The following SCARB2 variants were observed in gnomAD, a reference collection of about 807,000 sequenced individuals.
The protein encoded by SCARB2 is scavenger receptor class B member 2, also known as lysosome membrane protein 2.
A neutral mutation model predicts 58.6 loss-of-function variants in SCARB2; 29 were observed. The observed-to-expected ratio is 0.49, with a 90% CI of 0.37 to 0.67. The LOEUF is 0.67. Among genes scored for constraint, SCARB2 ranks in the 30% least tolerant of loss-of-function variants. The pLI, the probability that SCARB2 is intolerant of heterozygous loss-of-function variation, is 0.00. For missense variants in SCARB2, 488 were observed against 578.5 expected, an observed-to-expected ratio of 0.84 and a Z score of 1.60; for synonymous variants, 195 against 210.1, an observed-to-expected ratio of 0.93 and a Z score of 0.62.
chr4:76,169,465 A>C (rs568871553), intron 8 of SCARB2, among the ~76,000 whole-genome samples: 1 of 152,302 alleles, frequency 6.6e-6, no homozygotes, highest in East Asian at 1.9e-4. Context: ...TTCATATTTC[A>C]ACCAAAATAT....
chr4:76,208,064 C>T (rs1456796588), intron 1 of SCARB2, among the ~76,000 whole-genome samples: 1 of 152,164 alleles, frequency 6.6e-6, no homozygotes, highest in Non-Finnish European at 1.5e-5. Flanking sequence ...CAACCTGCCT[C>T]CAGTAATGGA....
In SCARB2 at chr4:76,183,518, G is replaced by A. The variant is rs542870922; in HGVS notation, c.276-2417C>T. Reference sequence around the variant, plus strand: ...AAGTATACAGATGAAGAGATGCACTGGGCAAGGTGTAGGGGAAGGAGCTCA... The same window carrying A: ...AAGTATACAGATGAAGAGATGCACTAGGCAAGGTGTAGGGGAAGGAGCTCA... On this transcript the variant is annotated intron_variant, in intron 2 of 11. Transcript: ENST00000264896. Among the ~76,000 whole-genome samples the A allele has an allele frequency of 4.5e-4, 69 of 152,332 alleles. No homozygotes were observed. The South Asian group carries it at 0.014, about 31-fold the overall frequency.
At chr4:76,188,678 T>C (rs569639794) in intron 2 of SCARB2, among the ~76,000 whole-genome samples, 1 of 152,256 alleles carries the variant, frequency 6.6e-6, no homozygotes, top group Non-Finnish European at 1.5e-5. Context: ...GCTTCTGGAA[T>C]GTTCTGTCTT....
upstream of SCARB2, among the ~76,000 whole-genome samples, chr4:76,216,650 A>G (rs948302471): frequency 5.9e-5 from 9 of 152,302 alleles, no homozygotes; most frequent in Admixed American, 3.3e-4. Context: ...TTACAGCTCA[A>G]GTTGCCCTCA....
chr4:76,162,191 C>T, intron 11 of SCARB2: 1 of 176,760 alleles, frequency 5.7e-6, no homozygotes, highest in South Asian at 1.4e-4. Context: ...TCAATGACTG[C>T]ATAAAGTCAC....
At chr4:76,195,188 T>C (rs1029218944) in intron 2 of SCARB2, 1 of 154,976 alleles carries the variant, frequency 6.5e-6, no homozygotes, top group African/African-American at 2.4e-5. Context: ...CTGGGCAATA[T>C]AGCAAGACCT....
chr4:76,201,057 C>G (rs59876319), intron 1 of SCARB2, among the ~76,000 whole-genome samples: 1 of 152,182 alleles, frequency 6.6e-6, no homozygotes, highest in Non-Finnish European at 1.5e-5. Context: ...GATGCAACTG[C>G]GTCACCTGTC....
At chr4:76,175,952 T>G (rs745530761) in intron 5 of SCARB2, 42 bp from the exon 6 acceptor site, 1 of 1,610,624 alleles carries the variant, frequency 6.2e-7, no homozygotes, top group African/African-American at 1.3e-5. Flanking sequence ...ATGATCACAT[T>G]TGAGTTTAGA....
At position 76,168,417 on chromosome 4, in the gene SCARB2, T is replaced by C; in HGVS notation, c.1173A>G (p.Lys391=). The change falls in exon 9 of 12, where the codon AAA becomes AAG. Residue 391 remains lysine (K), a synonymous_variant. Transcript: ENST00000264896. ...GCAAAACTTACACAAAGTCATCTAA[T>C]TTTTTGACATAAATGTTGATTTGGA... ...KRFQINIYVK[K]LDDFVETGDI... The C allele has an allele frequency of 6.2e-7, 1 of 1,613,770 alleles. No homozygotes were observed. The highest frequency in any genetic ancestry group is 1.3e-5 in the African/African-American group (1 of 75,054).
intron 2 of SCARB2, among the ~76,000 whole-genome samples, chr4:76,191,454 C>T: frequency 6.6e-6 from 1 of 152,074 alleles, no homozygotes; most frequent in East Asian, 1.9e-4. Flanking sequence ...TAGTGCTGTC[C>T]TCGAGATAGT....
chr4:76,213,239 G>A, intron 1 of SCARB2, 188 bp downstream of exon 1: 1 of 650,266 alleles, frequency 1.5e-6, no homozygotes, highest in Non-Finnish European at 2.8e-6. Context: ...AGGGAACAGA[G>A]TCGGCTCCAT....
chr4:76,206,544 G>C (rs1022743475), intron 1 of SCARB2, among the ~76,000 whole-genome samples: 2 of 151,944 alleles, frequency 1.3e-5, no homozygotes, highest in African/African-American at 4.8e-5. Context: ...ACAACAAAAT[G>C]CAAACAAAAT....
At chr4:76,175,326 C>T (rs987556964) in intron 6 of SCARB2, 3 of 185,854 alleles carry the variant, frequency 1.6e-5, no homozygotes, top group African/African-American at 7.2e-5. Flanking sequence ...TATTTGGCTT[C>T]CATGTAGAGA....
chr4:76,169,762 A>G, intron 8 of SCARB2, 105 bp downstream of exon 8: 1 of 947,376 alleles, frequency 1.1e-6, no homozygotes. Flanking sequence ...GAATATGTAT[A>G]TGAAAGTAAG....
intron 7 of SCARB2, among the ~76,000 whole-genome samples, chr4:76,171,986 G>A (rs531176698): frequency 2.0e-5 from 3 of 150,652 alleles, no homozygotes; most frequent in Middle Eastern, 3.5e-3. Context: ...GCACACTTGC[G>A]CACGTGTGTG....
At chr4:76,189,499 T>TGTTGTC (rs59217890) in intron 2 of SCARB2, among the ~76,000 whole-genome samples, 1 of 151,818 alleles carries the variant, frequency 6.6e-6, no homozygotes, top group Non-Finnish European at 1.5e-5. Context: ...TTGTTGTTGT[T>TGTTGTC]TGAGACAAAG....
At chr4:76,214,215 A>ACCGGTGGGGG (rs1000966705), upstream of SCARB2, 2 of 454,400 alleles carry the variant, frequency 4.4e-6, no homozygotes, top group Middle Eastern at 6.4e-4. Context: ...TAGCGGGGAC[A>ACCGGTGGGGG]CCGTTACCGC....
rs1417364659 is a variant in SCARB2 at position 76,160,557 on chromosome 4, T to C, written c.*1156A>G. On this transcript the variant is annotated 3_prime_UTR_variant, in exon 12 of 12. Transcript: ENST00000264896. ...AACATCCATCATTCTGTCAGCAAAA[T>C]GATTGTCACAGGAAGTATAGGGCAC... 1 of 152,164 alleles carries C rather than the reference T, an allele frequency of 6.6e-6. No homozygotes were observed. Among genetic ancestry groups the C allele is most frequent in the Non-Finnish European group, 1.5e-5 (1 of 68,024 alleles). The allele number at this position is 152,164 out of a possible 1,614,324, so 9.4% of individuals were successfully genotyped here.
chr4:76,222,604 C>T (rs1187661311), intron 1 of SCARB2, among the ~76,000 whole-genome samples: 3 of 152,146 alleles, frequency 2.0e-5, no homozygotes, highest in East Asian at 1.9e-4. Flanking sequence ...TCTCAAGTTC[C>T]GGGTAATCAT....
Sources: allele counts gnomAD v4.1 joint callset (sites outside exome capture counted in the v4.1 genomes callset), GRCh38; gene constraint gnomAD v4.1.1; transcripts MANE v1.5; gene names NCBI Gene and HGNC (gene_info 2026-07-23, HGNC 2026-07-21).